Variants in HS2ST1 observed in about 807,000 individuals in gnomAD.
HS2ST1 encodes the protein heparan sulfate 2-O-sulfotransferase 1.
HS2ST1 carries 18 observed loss-of-function variants against 42.9 expected under a neutral mutation model. The ratio of observed to expected loss-of-function variants is 0.42; its 90% CI spans 0.29 to 0.62. The LOEUF (loss-of-function observed/expected upper bound fraction) is 0.62, where lower values mean the gene tolerates loss of function less well. Among genes scored for constraint, HS2ST1 ranks in the 20% least tolerant of loss-of-function variants. The pLI is 0.21. For missense variants in HS2ST1, 334 were observed against 433.8 expected (o/e 0.77, Z 2.04); for synonymous variants, 146 against 152.9 (o/e 0.95, Z 0.33).
At chr1:86,973,674 A>G (rs551315398) in intron 1 of HS2ST1, among the ~76,000 whole-genome samples, 4 of 152,322 alleles carry the variant, frequency 2.6e-5, no homozygotes, top group Admixed American at 6.5e-5. Flanking sequence ...AATATCTTCT[A>G]TCTTAATTTT....
At chr1:87,000,721 A>G (rs935453680) in intron 1 of HS2ST1, among the ~76,000 whole-genome samples, 3 of 152,180 alleles carry the variant, frequency 2.0e-5, no homozygotes, top group African/African-American at 7.2e-5. Flanking sequence ...TGTTTTCTTT[A>G]TAGGGCATGA....
chr1:86,919,176 C>G (rs988634749), intron 1 of HS2ST1, among the ~76,000 whole-genome samples: 1 of 152,042 alleles, frequency 6.6e-6, no homozygotes, highest in Middle Eastern at 3.4e-3. Context: ...AACTCCTGAC[C>G]TCAAGTGATC....
At chr1:86,924,197 C>T (rs1033132339) in intron 1 of HS2ST1, among the ~76,000 whole-genome samples, 1 of 152,246 alleles carries the variant, frequency 6.6e-6, no homozygotes, top group African/African-American at 2.4e-5. Context: ...CCATGTCTCA[C>T]ATCCAGGTCA....
intron 2 of HS2ST1, among the ~76,000 whole-genome samples, chr1:87,080,262 A>G (rs1455033677): frequency 6.6e-6 from 1 of 152,214 alleles, no homozygotes; most frequent in East Asian, 1.9e-4. Flanking sequence ...GGTTATTGTT[A>G]AAATGGTTGT....
chr1:87,103,361 T>C, intron 5 of HS2ST1, 71 bp from the exon 6 acceptor site: 3 of 1,355,904 alleles, frequency 2.2e-6, no homozygotes, highest in Non-Finnish European at 3.0e-6. Flanking sequence ...CTGTAATATA[T>C]GGTGTCAAAG....
At chr1:86,927,028 A>G (rs1156815311) in intron 1 of HS2ST1, among the ~76,000 whole-genome samples, 1 of 152,146 alleles carries the variant, frequency 6.6e-6, no homozygotes, top group Non-Finnish European at 1.5e-5. Flanking sequence ...CTGATGAACC[A>G]TCTGGCTCCA....
chr1:87,049,698 C>G (rs1012301998), intron 1 of HS2ST1, among the ~76,000 whole-genome samples: 2 of 152,008 alleles, frequency 1.3e-5, no homozygotes, highest in African/African-American at 2.4e-5. Context: ...TCTGTCTTAT[C>G]AAATGTTCCA....
intron 3 of HS2ST1, 109 bp downstream of exon 3, chr1:87,084,388 T>C: frequency 3.1e-6 from 2 of 644,008 alleles, no homozygotes; most frequent in Non-Finnish European, 5.2e-6. Context: ...ATGTACTGTC[T>C]TGCCTTTGCC....
At position 86,999,415 on chromosome 1, in the gene HS2ST1, T is replaced by TGATCCACCCACCTCAGCC. The variant is rs1158688026; in HGVS notation, c.125-73518_125-73501dup. Among the ~76,000 whole-genome samples, 5 of 152,266 alleles carry TGATCCACCCACCTCAGCC rather than the reference T, an allele frequency of 3.3e-5. No individual in the cohort carries two copies. The East Asian group carries it at 7.7e-4, about 24-fold the overall frequency. On this transcript the variant is annotated intron_variant, in intron 1 of 6. Coordinates refer to ENST00000370550, the MANE Select transcript of HS2ST1 (RefSeq NM_012262.4). ...CTGGTCTCGAACTCCCGACTTCAGA[T>TGATCCACCCACCTCAGCC]GATCCACCCACCTCAGCCTCCCAAA...
intron 1 of HS2ST1, among the ~76,000 whole-genome samples, chr1:87,056,476 G>C (rs955970324): frequency 1.3e-5 from 2 of 152,180 alleles, no homozygotes; most frequent in Non-Finnish European, 2.9e-5. Context: ...GTTTTTACTT[G>C]AAAGAATGAT....
intron 1 of HS2ST1, among the ~76,000 whole-genome samples, chr1:86,976,943 T>A (rs1376471645): frequency 6.6e-6 from 1 of 151,548 alleles, no homozygotes; most frequent in Non-Finnish European, 1.5e-5. Context: ...TCCTAGCTAC[T>A]TGAGAGGCTG....
Position 87,107,695 on chromosome 1 carries a change from A to G in HS2ST1, c.*2999A>G, listed in dbSNP as rs1192752122. ...AAGAAGAAAAGATACCTTTCTGTTCAACTTGTATCAACTCCTCTTTTCTAA... is the reference window on the plus strand; with the variant it reads ...AAGAAGAAAAGATACCTTTCTGTTCGACTTGTATCAACTCCTCTTTTCTAA... On this transcript the variant is annotated 3_prime_UTR_variant, in exon 7 of 7. Coordinates refer to ENST00000370550, the MANE Select transcript of HS2ST1 (RefSeq NM_012262.4). The G allele has an allele frequency of 6.6e-6, 1 of 151,872 alleles. No homozygotes were observed. The highest frequency in any genetic ancestry group is 1.5e-5 in the Non-Finnish European group (1 of 67,874). 9.4% of individuals were successfully genotyped at this position (151,872 alleles called of 1,614,324 possible). A position where few individuals can be genotyped will look rare whatever the true frequency, so the allele number is the denominator to read the frequency against.
intron 2 of HS2ST1, among the ~76,000 whole-genome samples, chr1:87,073,797 C>T (rs1458506214): frequency 6.6e-6 from 1 of 152,068 alleles, no homozygotes; most frequent in Non-Finnish European, 1.5e-5. Context: ...ACATTTCTCC[C>T]ACACCTGGAA....
intron 1 of HS2ST1, chr1:86,993,066 C>A (rs773759935): frequency 6.3e-7 from 1 of 1,589,528 alleles, no homozygotes; most frequent in Non-Finnish European, 8.6e-7. Flanking sequence ...GGAAGGTCAC[C>A]AAGTCTTTCC....
chr1:87,061,607 C>T (rs1479095219), intron 1 of HS2ST1, among the ~76,000 whole-genome samples: 1 of 152,062 alleles, frequency 6.6e-6, no homozygotes, highest in African/African-American at 2.4e-5. Flanking sequence ...TTCTATTGCT[C>T]TGTATATAGT....
chr1:86,968,062 T>C (rs1648099913), intron 1 of HS2ST1, among the ~76,000 whole-genome samples: 1 of 152,214 alleles, frequency 6.6e-6, no homozygotes, highest in East Asian at 1.9e-4. Context: ...TTGAGCAGCG[T>C]TTCATATGTT....
intron 1 of HS2ST1, among the ~76,000 whole-genome samples, chr1:87,058,524 C>T (rs1030140625): frequency 6.6e-6 from 1 of 151,342 alleles, no homozygotes; most frequent in African/African-American, 2.5e-5. Flanking sequence ...TAGCTTTTAA[C>T]GTGTGCCTGA....
intron 1 of HS2ST1, among the ~76,000 whole-genome samples, chr1:86,958,804 A>G (rs1647744451): frequency 6.6e-6 from 1 of 152,210 alleles, no homozygotes. Flanking sequence ...CTACAGACCA[A>G]AATCTTTTGT....
chr1:87,096,406 A>T lies in HS2ST1; in HGVS notation c.589-1432A>T, dbSNP rs191639354. 1.8e-3 allele frequency among the ~76,000 whole-genome samples: 268 copies of T among 152,324 alleles called. 2 individuals are homozygous for T. Among genetic ancestry groups the T allele is most frequent in the African/African-American group, 6.1e-3 (253 of 41,560 alleles). ...TTCAAATGTTAACATATTTTGTTAT[A>T]CAGCGTTAAAAACTCATATACATTA... is the stretch of plus-strand genomic sequence containing the variant. On this transcript the variant is annotated intron_variant, in intron 4 of 6. Transcript: ENST00000370550.
Sources: allele counts gnomAD v4.1 joint callset (sites outside exome capture counted in the v4.1 genomes callset), GRCh38; gene constraint gnomAD v4.1.1; transcripts MANE v1.5; gene names NCBI Gene and HGNC (gene_info 2026-07-23, HGNC 2026-07-21).